Variants in CSMD1 observed in about 807,000 individuals in gnomAD.
The protein encoded by CSMD1 is CUB and Sushi multiple domains 1.
A neutral mutation model predicts 417.5 loss-of-function variants in CSMD1; 213 were observed. The observed-to-expected ratio is 0.51, with a 90% confidence interval of 0.46 to 0.57. The LOEUF (loss-of-function observed/expected upper bound fraction) is 0.57. Among genes scored for constraint, CSMD1 ranks in the 20% least tolerant of loss-of-function variants. CSMD1 has a pLI of 0.00. For synonymous variants in CSMD1, 2,862 were observed against 1,736.8 expected, an observed-to-expected ratio of 1.65 and a Z score of -16.11; for missense variants, 6,923 against 4,529.7, an observed-to-expected ratio of 1.53 and a Z score of -15.17.
chr8:4,051,136 AG>A (rs1219775095), intron 3 of CSMD1, among the ~76,000 whole-genome samples: 1 of 152,122 alleles, frequency 6.6e-6, no homozygotes, highest in Non-Finnish European at 1.5e-5. Context: ...AGAAAAGAAA[AG>A]AAAAAAGACC....
chr8:3,629,800 G>A (rs1294160611), intron 7 of CSMD1, among the ~76,000 whole-genome samples: 1 of 152,178 alleles, frequency 6.6e-6, no homozygotes, highest in Non-Finnish European at 1.5e-5. Context: ...TATAAGGAAA[G>A]GCTAAAAGAC....
At chr8:4,035,735 T>G (rs1359193656) in intron 3 of CSMD1, among the ~76,000 whole-genome samples, 1 of 152,214 alleles carries the variant, frequency 6.6e-6, no homozygotes, top group African/African-American at 2.4e-5. Flanking sequence ...AGTCAAATGC[T>G]TAAAAATGAA....
At chr8:4,057,113 T>C (rs1798736585) in intron 3 of CSMD1, among the ~76,000 whole-genome samples, 1 of 152,220 alleles carries the variant, frequency 6.6e-6, no homozygotes, top group Non-Finnish European at 1.5e-5. Flanking sequence ...ATCGCCACAC[T>C]GACTTCCACA....
chr8:3,640,218 T>C (rs932875885), intron 7 of CSMD1, among the ~76,000 whole-genome samples: 1 of 152,214 alleles, frequency 6.6e-6, no homozygotes, highest in African/African-American at 2.4e-5. Context: ...GGCATCAATG[T>C]GCTGAGAATT....
chr8:4,172,711 C>T (rs1162470127), intron 3 of CSMD1, among the ~76,000 whole-genome samples: 3 of 152,164 alleles, frequency 2.0e-5, no homozygotes, highest in East Asian at 1.9e-4. Context: ...GCAAAAGTGA[C>T]AGGATATCAC....
At chr8:4,725,807 G>A (rs565021497) in intron 1 of CSMD1, among the ~76,000 whole-genome samples, 1 of 152,226 alleles carries the variant, frequency 6.6e-6, no homozygotes, top group African/African-American at 2.4e-5. Flanking sequence ...TAGCTGCTCG[G>A]TTGGAACTGA....
intron 1 of CSMD1, among the ~76,000 whole-genome samples, chr8:4,641,723 A>C (rs1196735959): frequency 1.3e-5 from 2 of 152,216 alleles, no homozygotes; most frequent in African/African-American, 4.8e-5. Flanking sequence ...TCGAGTCATA[A>C]CATATATCAC....
chr8:3,989,289 C>G (rs938059382), intron 5 of CSMD1, among the ~76,000 whole-genome samples: 3 of 152,274 alleles, frequency 2.0e-5, no homozygotes, highest in Non-Finnish European at 2.9e-5. Flanking sequence ...GTCATAAAAC[C>G]AAGACTACAG....
intron 4 of CSMD1, among the ~76,000 whole-genome samples, chr8:4,004,082 A>C (rs1815914272): frequency 6.6e-6 from 1 of 152,204 alleles, no homozygotes; most frequent in African/African-American, 2.4e-5. Context: ...TCTGTGAAAA[A>C]GCAGAACAAA....
intron 52 of CSMD1, among the ~76,000 whole-genome samples, chr8:3,017,329 T>A (rs181141891): frequency 9.6e-4 from 146 of 152,280 alleles, no homozygotes; most frequent in African/African-American, 3.4e-3. Flanking sequence ...TATTTAGGAA[T>A]GCATGGAAAC....
At chr8:3,493,902 C>A (rs1006884899) in intron 10 of CSMD1, among the ~76,000 whole-genome samples, 176 bp from the exon 11 acceptor site, 3 of 152,128 alleles carry the variant, frequency 2.0e-5, no homozygotes, top group Non-Finnish European at 1.5e-5. Flanking sequence ...GATAGCCTGG[C>A]ATTATAGAAT....
At chr8:4,215,545 T>C (rs1263422632) in intron 3 of CSMD1, among the ~76,000 whole-genome samples, 2 of 152,062 alleles carry the variant, frequency 1.3e-5, no homozygotes, top group African/African-American at 2.4e-5. Flanking sequence ...ATCCTTTACA[T>C]TGTTCTGATA....
chr8:4,913,575 C>A (rs1805846748), intron 1 of CSMD1, among the ~76,000 whole-genome samples: 1 of 152,150 alleles, frequency 6.6e-6, no homozygotes, highest in Admixed American at 6.5e-5. Context: ...TATGCGTCCA[C>A]AGCTCATTTA....
intron 39 of CSMD1, 139 bp from the exon 40 acceptor site, chr8:3,151,652 C>T (rs1286185691): frequency 4.9e-6 from 3 of 606,354 alleles, no homozygotes; most frequent in South Asian, 2.0e-5. Flanking sequence ...GCACACGATA[C>T]AATGCTGTGT....
intron 5 of CSMD1, among the ~76,000 whole-genome samples, chr8:3,966,698 C>A (rs867854966): frequency 1.3e-5 from 2 of 151,780 alleles, no homozygotes; most frequent in South Asian, 2.1e-4. Flanking sequence ...CAGCGTATGC[C>A]ATGCCTGGCA....
At chr8:3,179,063 T>C (rs1821125846) in intron 37 of CSMD1, among the ~76,000 whole-genome samples, 2 of 151,368 alleles carry the variant, frequency 1.3e-5, no homozygotes, top group Non-Finnish European at 2.9e-5. Flanking sequence ...TTCTCCTGCC[T>C]CAGCCTCCTG....
At chr8:4,613,585 G>A (rs187876043) in intron 2 of CSMD1, among the ~76,000 whole-genome samples, 45 of 152,292 alleles carry the variant, frequency 3.0e-4, no homozygotes, top group African/African-American at 9.9e-4. Flanking sequence ...GGCTGAGCAG[G>A]TGCTTGGACT....
intron 8 of CSMD1, among the ~76,000 whole-genome samples, chr8:3,606,989 C>T (rs923345682): frequency 6.6e-5 from 10 of 152,268 alleles, no homozygotes; most frequent in Admixed American, 3.3e-4. Context: ...GCATTACAAG[C>T]GTGAGCCGCC....
intron 1 of CSMD1, among the ~76,000 whole-genome samples, chr8:4,726,570 T>C (rs1809468537): frequency 6.6e-6 from 1 of 152,158 alleles, no homozygotes; most frequent in Admixed American, 6.5e-5. Context: ...CTTCCCTGTC[T>C]GACAGGTGAG....
Sources: gnomAD v4.1 joint callset for allele counts (sites outside exome capture counted in the v4.1 genomes callset) on GRCh38, gnomAD v4.1.1 for gene constraint, MANE v1.5 for transcripts, NCBI Gene and HGNC (gene_info 2026-07-23, HGNC 2026-07-21) for gene names.